EXOC6: variants seen among roughly 807,000 people sequenced by gnomAD.
EXOC6 encodes the protein SEC15-like 1.
EXOC6 carries 60 observed loss-of-function variants against 112.5 expected under a neutral mutation model. That is an observed-to-expected ratio of 0.53 (90% confidence interval 0.43 to 0.66). The LOEUF (loss-of-function observed/expected upper bound fraction) is 0.66, where lower values mean the gene tolerates loss of function less well. Ranked by LOEUF, EXOC6 falls within the 30% of genes least tolerant of loss-of-function variation. The pLI is 0.00. For synonymous variants in EXOC6, 295 were observed against 308.0 expected, an observed-to-expected ratio of 0.96 and a Z score of 0.44; for missense variants, 855 against 957.1, an observed-to-expected ratio of 0.89 and a Z score of 1.41.
intron 18 of EXOC6, among the ~76,000 whole-genome samples, chr10:92,981,028 C>CAAAATA (rs1274024753): frequency 6.6e-6 from 1 of 151,932 alleles, no homozygotes; most frequent in South Asian, 2.1e-4. Flanking sequence ...CTCTGTCTTA[C>CAAAATA]AAAATAAAAA....
chr10:92,956,212 T>G (rs929163263), intron 17 of EXOC6, among the ~76,000 whole-genome samples: 19 of 152,140 alleles, frequency 1.2e-4, no homozygotes, highest in Non-Finnish European at 8.8e-5. Context: ...AATTAATGGT[T>G]GTTTTAGGTA....
intron 1 of EXOC6, among the ~76,000 whole-genome samples, chr10:92,856,243 G>T (rs983613451): frequency 6.6e-6 from 1 of 151,614 alleles, no homozygotes; most frequent in Non-Finnish European, 1.5e-5. Flanking sequence ...GGGTTGGGTT[G>T]CTCTCTTTTT....
intron 4 of EXOC6, among the ~76,000 whole-genome samples, chr10:92,896,206 T>A (rs1849816617): frequency 1.4e-4 from 8 of 56,654 alleles, no homozygotes; most frequent in African/African-American, 5.3e-4. Context: ...TTTTTTTTTT[T>A]TTTTTTTTTT....
chr10:92,930,523 AAT>A (rs1366370268), intron 9 of EXOC6, among the ~76,000 whole-genome samples: 56 of 151,468 alleles, frequency 3.7e-4, no homozygotes, highest in Non-Finnish European at 7.4e-5. Context: ...TAATAATAAT[AAT>A]AAATAGAAAA....
intron 1 of EXOC6, among the ~76,000 whole-genome samples, chr10:92,858,939 A>T (rs556324968): frequency 1.3e-5 from 2 of 151,952 alleles, no homozygotes; most frequent in Non-Finnish European, 2.9e-5. Context: ...TAATTTTTGT[A>T]TTTTTAGTAG....
intron 13 of EXOC6, among the ~76,000 whole-genome samples, chr10:92,943,306 C>A (rs895194135): frequency 3.9e-5 from 6 of 152,156 alleles, no homozygotes; most frequent in Non-Finnish European, 8.8e-5. Flanking sequence ...GCGTGAGCCA[C>A]CCCTCCTGGC....
chr10:92,848,871 G>GC (rs1847179608), intron 1 of EXOC6, among the ~76,000 whole-genome samples: 2 of 152,094 alleles, frequency 1.3e-5, no homozygotes, highest in African/African-American at 2.4e-5. Context: ...TCACCCCGCA[G>GC]CCGGTGGGTG....
At chr10:92,896,567 T>A (rs1849838043) in intron 4 of EXOC6, among the ~76,000 whole-genome samples, 2 of 146,848 alleles carry the variant, frequency 1.4e-5, no homozygotes, top group South Asian at 4.3e-4. Context: ...GCAGATTTTA[T>A]TGGCTAAAAA....
At chr10:93,014,663 A>G (rs1042082627) in intron 20 of EXOC6, among the ~76,000 whole-genome samples, 4 of 152,188 alleles carry the variant, frequency 2.6e-5, no homozygotes, top group African/African-American at 7.2e-5. Flanking sequence ...CAACCTAGAA[A>G]GTAACCCCTT....
At chr10:92,884,295 A>G (rs1040961483) in intron 1 of EXOC6, among the ~76,000 whole-genome samples, 1 of 152,186 alleles carries the variant, frequency 6.6e-6, no homozygotes, top group African/African-American at 2.4e-5. Flanking sequence ...TTCCTGAACA[A>G]TATTTCTGCT....
intron 1 of EXOC6, among the ~76,000 whole-genome samples, chr10:92,850,194 C>T (rs1847254844): frequency 6.6e-6 from 1 of 152,020 alleles, no homozygotes; most frequent in African/African-American, 2.4e-5. Flanking sequence ...GGAAAATGTG[C>T]TAGGTAGTGT....
chr10:92,975,212 C>G (rs887330439), intron 18 of EXOC6, among the ~76,000 whole-genome samples: 1 of 151,184 alleles, frequency 6.6e-6, no homozygotes, highest in Non-Finnish European at 1.5e-5. Context: ...GCGCCTCTGC[C>G]CCGCCACCCC....
At chr10:92,834,867 T>C in intron 1 of EXOC6, 1 of 1,234,612 alleles carries the variant, frequency 8.1e-7, no homozygotes. Flanking sequence ...TTAGCGGTGA[T>C]AAGGTGGTCC....
intron 20 of EXOC6, among the ~76,000 whole-genome samples, chr10:93,026,225 C>G (rs79976974): frequency 6.6e-5 from 10 of 152,290 alleles, no homozygotes; most frequent in African/African-American, 2.4e-4. Context: ...TTTTGGTAAA[C>G]ATATGCACAC....
At chr10:92,963,215 G>A (rs899076211) in intron 17 of EXOC6, among the ~76,000 whole-genome samples, 5 of 152,120 alleles carry the variant, frequency 3.3e-5, no homozygotes, top group African/African-American at 9.7e-5. Context: ...TGTTTTGAAT[G>A]TATATTCTGG....
intron 6 of EXOC6, among the ~76,000 whole-genome samples, chr10:92,912,699 A>G (rs1448463032): frequency 1.3e-5 from 2 of 152,212 alleles, no homozygotes; most frequent in East Asian, 3.8e-4. Flanking sequence ...CAGCAGTAAC[A>G]GTTGCAGCAA....
chr10:93,042,655 A>G (rs1845834150), intron 20 of EXOC6, among the ~76,000 whole-genome samples: 1 of 152,220 alleles, frequency 6.6e-6, no homozygotes, highest in East Asian at 1.9e-4. Context: ...CTGCTATAGT[A>G]TGCTACCAGA....
intron 20 of EXOC6, among the ~76,000 whole-genome samples, chr10:93,040,659 T>G (rs1845723819): frequency 6.6e-6 from 1 of 152,252 alleles, no homozygotes; most frequent in South Asian, 2.1e-4. Flanking sequence ...TTCACATCTC[T>G]CATTCATTTC....
intron 1 of EXOC6, among the ~76,000 whole-genome samples, chr10:92,886,156 C>T (rs1849203928): frequency 6.6e-6 from 1 of 152,138 alleles, no homozygotes; most frequent in African/African-American, 2.4e-5. Context: ...TAACTATAAA[C>T]CAACTAGGCT....
Sources: allele counts gnomAD v4.1 joint callset (sites outside exome capture counted in the v4.1 genomes callset), GRCh38; gene constraint gnomAD v4.1.1; transcripts MANE v1.5; gene names NCBI Gene and HGNC (gene_info 2026-07-23, HGNC 2026-07-21).